Variants in MTBP observed in about 807,000 individuals in gnomAD.
MTBP encodes MDM2 binding protein.
MTBP carries 101 observed loss-of-function variants against 117.0 expected under a neutral mutation model. The ratio of observed to expected loss-of-function variants is 0.86; its 90% CI spans 0.73 to 1.02. The LOEUF is 1.02. MTBP is among the 50% of genes least tolerant of loss of function. MTBP has a pLI of 0.00. For missense variants in MTBP, 970 were observed against 1,030.9 expected, an observed-to-expected ratio of 0.94 and a Z score of 0.81; for synonymous variants, 350 against 351.5, an observed-to-expected ratio of 1.00 and a Z score of 0.05.
chr8:120,490,339 G>C (rs868313518), intron 12 of MTBP, 124 bp from the exon 13 acceptor site: 1 of 627,976 alleles, frequency 1.6e-6, no homozygotes, highest in South Asian at 1.9e-5. Flanking sequence ...AAGGTCGAGA[G>C]AGGTGAGTGA....
chr8:120,490,352 G>C (rs1814317562), intron 12 of MTBP, 111 bp from the exon 13 acceptor site: 1 of 653,232 alleles, frequency 1.5e-6, no homozygotes, highest in Admixed American at 3.3e-5. Flanking sequence ...GTGAGTGATT[G>C]ACTTTTATTT....
chr8:120,513,702 A>T (rs1357046878), intron 17 of MTBP, among the ~76,000 whole-genome samples: 1 of 151,982 alleles, frequency 6.6e-6, no homozygotes, highest in Non-Finnish European at 1.5e-5. Flanking sequence ...CTTAGAATCA[A>T]AATATGCATC....
In MTBP at chr8:120,522,658, T is replaced by G; in HGVS notation, c.2615T>G (p.Leu872Arg). The change falls in exon 21 of 22, where the codon CTT (leucine) becomes CGT (arginine). Residue 872 changes from leucine to arginine, a missense_variant. Coordinates refer to ENST00000305949, the MANE Select transcript of MTBP (RefSeq NM_022045.5). ...FEISKFYLKD[L>R]KTSRGLFEEM... ...GCTGTATTTTATTATGTTTAGGATC[T>G]TAAAACTTCAAGGGGTCTATTTGAA... is the stretch of plus-strand genomic sequence containing the variant. 1 of 1,597,840 alleles carries G rather than the reference T, an allele frequency of 6.3e-7. No individual in the cohort carries two copies. Among genetic ancestry groups the G allele is most frequent in the Non-Finnish European group, 8.6e-7 (1 of 1,167,656 alleles).
rs1814694745 is a variant in MTBP, at chr8:120,506,754, G to A, written c.1776G>A (p.Glu592=). 1 of 1,612,960 alleles carries A rather than the reference G, an allele frequency of 6.2e-7. No individual in the cohort carries two copies. Among genetic ancestry groups the A allele is most frequent in the African/African-American group, 1.3e-5 (1 of 74,804 alleles). The change falls in exon 16 of 22, where the codon GAG becomes GAA. Residue 592 remains glutamate, a synonymous_variant. Coordinates refer to ENST00000305949, the MANE Select transcript of MTBP (RefSeq NM_022045.5). The stretch of plus-strand genomic sequence containing the variant: ...CTGAACAGTTGCTGGGCCACAAAGA[G>A]GGTCCTCGGGACTCAATCACATTGT... ...HSSEQLLGHK[E]GPRDSITLLD...
At chr8:120,489,057 T>TTTTTTTTTG (rs1563797875) in intron 12 of MTBP, among the ~76,000 whole-genome samples, 1 of 150,802 alleles carries the variant, frequency 6.6e-6, no homozygotes, top group African/African-American at 2.4e-5. Context: ...TTTTTTTTTT[T>TTTTTTTTTG]GAGACAGAGT....
chr8:120,450,945 G>T, intron 2 of MTBP, 58 bp from the exon 3 acceptor site: 3 of 1,208,182 alleles, frequency 2.5e-6, no homozygotes, highest in Non-Finnish European at 3.6e-6. Flanking sequence ...TATATATGCT[G>T]TGTCATCTGC....
intron 17 of MTBP, among the ~76,000 whole-genome samples, chr8:120,511,343 C>T (rs1293175606): frequency 6.6e-6 from 1 of 152,202 alleles, no homozygotes; most frequent in African/African-American, 2.4e-5. Flanking sequence ...TTCACCCAGG[C>T]TGAGTGCAGT....
chr8:120,485,946 T>G (rs1814204774), intron 11 of MTBP, among the ~76,000 whole-genome samples: 1 of 152,208 alleles, frequency 6.6e-6, no homozygotes, highest in Admixed American at 6.5e-5. Flanking sequence ...CCCTGATACC[T>G]TCTTTGTCTG....
At chr8:120,491,833 A>G (rs955302386) in intron 13 of MTBP, among the ~76,000 whole-genome samples, 5 of 152,076 alleles carry the variant, frequency 3.3e-5, no homozygotes, top group African/African-American at 1.2e-4. Flanking sequence ...GACCTCTCTA[A>G]AGCTGGTGCA....
chr8:120,463,031 GA>G (rs993810590), intron 9 of MTBP, among the ~76,000 whole-genome samples: 19 of 149,242 alleles, frequency 1.3e-4, no homozygotes, highest in African/African-American at 2.7e-4. Flanking sequence ...TCTACAACTT[GA>G]AAAAAAAAAT....
chr8:120,506,921 G>A, intron 16 of MTBP, 60 bp downstream of exon 16: 1 of 1,413,766 alleles, frequency 7.1e-7, no homozygotes, highest in Non-Finnish European at 9.5e-7. Context: ...AAATAAAATT[G>A]TGTCTCATTT....
At chr8:120,474,266 TA>T (rs569503457) in intron 11 of MTBP, among the ~76,000 whole-genome samples, 4 of 150,238 alleles carry the variant, frequency 2.7e-5, no homozygotes, top group South Asian at 4.2e-4. Context: ...TAACAGTATT[TA>T]AAAAAAAAAT....
intron 13 of MTBP, among the ~76,000 whole-genome samples, chr8:120,494,011 A>G (rs1163331737): frequency 6.6e-6 from 1 of 152,160 alleles, no homozygotes; most frequent in Non-Finnish European, 1.5e-5. Context: ...ACTGTTACTA[A>G]TATTCTTGAT....
chr8:120,483,576 C>G (rs1814143455), intron 11 of MTBP, among the ~76,000 whole-genome samples: 1 of 151,892 alleles, frequency 6.6e-6, no homozygotes, highest in Non-Finnish European at 1.5e-5. Context: ...TTAAGAACAA[C>G]TAAGAAACTT....
Position 120,522,666 on chromosome 8 carries a change from T to C in MTBP, c.2623T>C (p.Ser875Pro). ...TTATTATGTTTAGGATCTTAAAACT[T>C]CAAGGGGTCTATTTGAAGAAATGAA... ...SKFYLKDLKTSRGLFEEMKKT... is the reference protein window; with the variant it reads ...SKFYLKDLKTPRGLFEEMKKT... The change falls in exon 21 of 22, where the codon TCA becomes CCA. Residue 875 changes from serine to proline, a missense_variant. Ser to Pro is a moderately conservative substitution (Grantham distance 74, BLOSUM62 -1). Transcript: ENST00000305949. 1 of 1,603,986 alleles carries C rather than the reference T, an allele frequency of 6.2e-7. No homozygotes were observed. The highest frequency in any genetic ancestry group is 1.3e-5 in the African/African-American group (1 of 74,710).
intron 10 of MTBP, among the ~76,000 whole-genome samples, chr8:120,469,467 T>C (rs1813772964): frequency 6.6e-6 from 1 of 152,194 alleles, no homozygotes. Flanking sequence ...CTCAATTGGT[T>C]TTTGTCAGCT....
At chr8:120,476,286 C>T (rs534682238) in intron 11 of MTBP, among the ~76,000 whole-genome samples, 3 of 152,182 alleles carry the variant, frequency 2.0e-5, no homozygotes, top group South Asian at 4.2e-4. Flanking sequence ...ATGACAAACC[C>T]GTAGCCAATA....
intron 17 of MTBP, among the ~76,000 whole-genome samples, chr8:120,514,337 C>T (rs1161514329): frequency 6.6e-6 from 1 of 151,992 alleles, no homozygotes; most frequent in Non-Finnish European, 1.5e-5. Flanking sequence ...AACTCTGCAA[C>T]TTTGTACCCT....
At chr8:120,456,075 A>G (rs1319792432) in intron 6 of MTBP, among the ~76,000 whole-genome samples, 1 of 152,174 alleles carries the variant, frequency 6.6e-6, no homozygotes, top group East Asian at 1.9e-4. Context: ...AAGCATAGCA[A>G]TAGATGCTTG....
Sources: allele counts gnomAD v4.1 joint callset (sites outside exome capture counted in the v4.1 genomes callset), GRCh38; gene constraint gnomAD v4.1.1; transcripts MANE v1.5; gene names NCBI Gene and HGNC (gene_info 2026-07-23, HGNC 2026-07-21).